Variants in C10orf105 observed in about 807,000 individuals in gnomAD.
C10orf105 encodes uncharacterized protein C10orf105.
A neutral mutation model predicts 0.6 loss-of-function variants in C10orf105; 2 were observed. The ratio of observed to expected loss-of-function variants is 3.18; its 90% CI spans 1.30 to 10.01. The LOEUF (loss-of-function observed/expected upper bound fraction) is 10.01. Among genes scored for constraint, C10orf105 ranks in the 30% most tolerant of loss-of-function variants. C10orf105 has a pLI of 0.04. For missense variants in C10orf105, 209 were observed against 191.4 expected (o/e 1.09, Z -0.54); for synonymous variants, 95 against 82.4 (o/e 1.15, Z -0.83).
In C10orf105 at chr10:71,732,035, A is replaced by T. The variant is rs372158876; in HGVS notation, c.-6+5693T>A. 333 of 1,613,998 alleles carry T rather than the reference A, an allele frequency of 2.1e-4. 1 individual carries two copies. Among genetic ancestry groups the T allele is most frequent in the South Asian group, 1.4e-3 (127 of 91,082 alleles). On this transcript the variant is annotated intron_variant, in intron 1 of 1. Transcript: ENST00000398786. ...CGCATCCTGTCGGGCGCAGAGGGGA[A>T]GTTTGAGATTGACGAGAGCACAGGG...
At chr10:71,725,423 G>C in intron 1 of C10orf105, 4 of 1,614,020 alleles carry the variant, frequency 2.5e-6, no homozygotes, top group Non-Finnish European at 3.4e-6. Context: ...CTCCTGATGC[G>C]AGGGCCCCGG....
intron 1 of C10orf105, among the ~76,000 whole-genome samples, chr10:71,737,361 T>C (rs915213829): frequency 1.3e-5 from 2 of 152,232 alleles, no homozygotes; most frequent in Non-Finnish European, 2.9e-5. Context: ...AGAGCTTGAA[T>C]AACTTTTTCC....
At chr10:71,737,350 G>C (rs988143780) in intron 1 of C10orf105, among the ~76,000 whole-genome samples, 13 of 152,246 alleles carry the variant, frequency 8.5e-5, no homozygotes, top group African/African-American at 3.1e-4. Flanking sequence ...TGGAAAATCA[G>C]AGAGCTTGAA....
chr10:71,713,798 C>A lies in C10orf105; in HGVS notation c.*2138G>T, dbSNP rs2132763841. On this transcript the variant is annotated 3_prime_UTR_variant, in exon 2 of 2. Coordinates refer to ENST00000441508, the MANE Select transcript of C10orf105 (RefSeq NM_001164375.3). ...AGGGCAGCCTCAACCCCCACCCCAA[C>A]CTCCAGGAAGACAGTGCCTAGTGGC... 1 of 156,424 alleles carries A rather than the reference C, an allele frequency of 6.4e-6. No homozygotes were observed. The highest frequency in any genetic ancestry group is 1.4e-5 in the Non-Finnish European group (1 of 70,698). The allele number at this position is 156,424 out of a possible 1,614,324, so 9.7% of individuals were successfully genotyped here.
At chr10:71,732,235 A>C (rs1258054683) in intron 1 of C10orf105, 2 of 1,613,728 alleles carry the variant, frequency 1.2e-6, no homozygotes, top group African/African-American at 1.3e-5. Flanking sequence ...CGAGGCTGCC[A>C]TCCTGGAGAA....
upstream of C10orf105, among the ~76,000 whole-genome samples, chr10:71,722,494 C>T (rs1162309813): frequency 6.6e-6 from 1 of 152,172 alleles, no homozygotes; most frequent in Non-Finnish European, 1.5e-5. Flanking sequence ...AGCTCTGCTC[C>T]TAAGTCGTTC....
chr10:71,729,113 G>A (rs915511039), intron 1 of C10orf105, among the ~76,000 whole-genome samples: 3 of 152,118 alleles, frequency 2.0e-5, no homozygotes, highest in African/African-American at 7.2e-5. Flanking sequence ...GCGATTACAG[G>A]CAAAAGCCAC....
upstream of C10orf105, among the ~76,000 whole-genome samples, chr10:71,720,536 C>T (rs547366224): frequency 2.0e-5 from 3 of 152,286 alleles, no homozygotes; most frequent in African/African-American, 7.2e-5. Context: ...TCTTTGGCAG[C>T]TTCCCCACCA....
At position 71,715,787 on chromosome 10, in the gene C10orf105, C is replaced by G. The variant is rs1012827542; in HGVS notation, c.*149G>C. 1.5e-5 allele frequency: 10 copies of G among 688,862 alleles called. No individual in the cohort carries two copies. The highest frequency in any genetic ancestry group is 1.9e-5 in the African/African-American group (1 of 53,038). The allele number at this position is 688,862 out of a possible 1,614,324, so 42.7% of individuals were successfully genotyped here. A position where few individuals can be genotyped will look rare whatever the true frequency, so the allele number is the denominator to read the frequency against. On this transcript the variant is annotated 3_prime_UTR_variant, in exon 2 of 2. Coordinates refer to ENST00000441508, the MANE Select transcript of C10orf105 (RefSeq NM_001164375.3). ...GATCATCTTTGGGAAAGGGCGCTGG[C>G]CTGGGCATGCAAGGAGCTTCGGGGG...
At chr10:71,718,266 C>A (rs1053206417) in intron 1 of C10orf105, among the ~76,000 whole-genome samples, 2 of 152,212 alleles carry the variant, frequency 1.3e-5, no homozygotes, top group African/African-American at 2.4e-5. Context: ...GGACTCCTGT[C>A]CCTACCCCAG....
rs1309848418 is a variant in C10orf105 at position 71,713,132 on chromosome 10, A to G, written c.*2804T>C. On this transcript the variant is annotated 3_prime_UTR_variant, in exon 2 of 2. Transcript: ENST00000441508. Reference sequence around the variant, plus strand: ...GTAGCGGGGAGAAAGAGACGTCACAATTTCCCGGAAAGGAGTTGAGAAGAG... The same window carrying G: ...GTAGCGGGGAGAAAGAGACGTCACAGTTTCCCGGAAAGGAGTTGAGAAGAG... 9 of 778,296 alleles carry G rather than the reference A, an allele frequency of 1.2e-5. No homozygotes were observed. The highest frequency in any genetic ancestry group is 2.3e-4 in the Middle Eastern group (1 of 4,442). 48.2% of individuals were successfully genotyped at this position (778,296 alleles called of 1,614,324 possible).
upstream of C10orf105, among the ~76,000 whole-genome samples, chr10:71,722,514 A>G (rs1025949834): frequency 6.6e-6 from 1 of 152,022 alleles, no homozygotes; most frequent in Non-Finnish European, 1.5e-5. Context: ...CACATATTTG[A>G]CCCTACTGTG....
intron 1 of C10orf105, among the ~76,000 whole-genome samples, chr10:71,726,871 C>T (rs1866835383): frequency 6.6e-6 from 1 of 152,360 alleles, no homozygotes; most frequent in African/African-American, 2.4e-5. Context: ...CTCCTCCCAT[C>T]AGTGCCTCAG....
chr10:71,734,806 C>G (rs1439183047), intron 1 of C10orf105: 4 of 511,234 alleles, frequency 7.8e-6, no homozygotes, highest in African/African-American at 5.8e-5. Context: ...TGCCTCCACT[C>G]TCACACCTGA....
At chr10:71,730,611 C>T in intron 1 of C10orf105, 1 of 1,613,660 alleles carries the variant, frequency 6.2e-7, no homozygotes, top group South Asian at 1.1e-5. Flanking sequence ...TCTGGTGAGG[C>T]TGGCAGGAGG....
rs557089358 is a variant in C10orf105 at position 71,732,618 on chromosome 10, G to C, written c.-6+5110C>G. 1.6e-4 allele frequency: 218 copies of C among 1,403,184 alleles called. 1 individual carries two copies. In the South Asian group the frequency reaches 3.3e-3, roughly 21 times the overall value. 86.9% of individuals were successfully genotyped at this position (1,403,184 alleles called of 1,614,324 possible). ...ACTGCACTCCAGCCCGGGCAACAGA[G>C]TGAGACCTTGTCTCTTACAAAGAAA... On this transcript the variant is annotated intron_variant, in intron 1 of 1. Transcript: ENST00000398786.
chr10:71,716,046 G>A lies in C10orf105; in HGVS notation c.292C>T (p.Leu98Phe), dbSNP rs1390292515. 6.6e-7 allele frequency: 1 copy of A among 1,507,930 alleles called. No individual in the cohort carries two copies. Among genetic ancestry groups the A allele is most frequent in the East Asian group, 2.5e-5 (1 of 40,444 alleles). 93.4% of individuals were successfully genotyped at this position (1,507,930 alleles called of 1,614,324 possible). The change falls in exon 2 of 2, where the codon CTC becomes TTC. Residue 98 changes from leucine to phenylalanine, a missense_variant. Physicochemically the swap from Leu to Phe is conservative, Grantham distance 22. Transcript: ENST00000441508. ...CCATGGCGGAAGCTGTGCAGGGAGA[G>A]GCGCAAGGAGCCCAGGCGCTTCCAG... ...RLWKRLGSLR[L>F]SLHSFRHGRP...
chr10:71,732,792 G>A (rs1205472252), intron 1 of C10orf105: 5 of 872,776 alleles, frequency 5.7e-6, no homozygotes, highest in African/African-American at 1.8e-5. Context: ...TCTGGTCATC[G>A]AAGTGTGTGT....
intron 1 of C10orf105, chr10:71,734,298 CAGT>C (rs779373282): frequency 6.2e-7 from 1 of 1,612,428 alleles, no homozygotes; most frequent in Non-Finnish European, 8.5e-7. Flanking sequence ...TATACCTTGA[CAGT>C]GGTGGCAGAT....
Sources: gnomAD v4.1 joint callset for allele counts (sites outside exome capture counted in the v4.1 genomes callset) on GRCh38, gnomAD v4.1.1 for gene constraint, MANE v1.5 for transcripts, NCBI Gene and HGNC (gene_info 2026-07-23, HGNC 2026-07-21) for gene names.